Variants in IGBP1 observed in about 807,000 individuals in gnomAD.
IGBP1 encodes the protein immunoglobulin-binding protein 1.
Under a neutral mutation model 25.9 loss-of-function variants are expected in IGBP1, and 2 were observed. The ratio of observed to expected loss-of-function variants is 0.08; its 90% CI spans 0.03 to 0.24. The LOEUF is 0.24. Ranked by LOEUF, IGBP1 falls within the 10% of genes least tolerant of loss-of-function variation. The pLI, the probability that IGBP1 is intolerant of heterozygous loss-of-function variation, is 1.00. For missense variants in IGBP1, 187 were observed against 260.4 expected (o/e 0.72, Z 1.94); for synonymous variants, 96 against 93.4 (o/e 1.03, Z -0.16).
chrX:70,138,975 A>G (rs888707727), intron 3 of IGBP1, among the ~76,000 whole-genome samples: 19 of 112,186 alleles, frequency 1.7e-4, no homozygotes, highest in African/African-American at 6.2e-4. Flanking sequence ...GCTTTCTACA[A>G]TAACAGAGTT....
chrX:70,146,751 A>G lies in IGBP1; in HGVS notation c.601A>G (p.Ile201Val). The G allele has an allele frequency of 8.3e-7, 1 of 1,206,294 alleles. No homozygotes were observed. Among genetic ancestry groups the G allele is most frequent in the Non-Finnish European group, 1.1e-6 (1 of 890,926 alleles). The change falls in exon 4 of 7, where the codon ATT (isoleucine) becomes GTT (valine). Residue 201 changes from isoleucine to valine, a missense_variant. Coordinates refer to ENST00000356413, the MANE Select transcript of IGBP1 (RefSeq NM_001551.3). ...TTATCTTCTTCACCTTCAGAGGTGG[A>G]TTGATATCAGCTTAGAAGAGATTGA... is the stretch of plus-strand genomic sequence containing the variant. The part of the protein sequence containing the change: ...EYYLLHLQRW[I>V]DISLEEIESI...
intron 3 of IGBP1, among the ~76,000 whole-genome samples, chrX:70,135,286 T>C (rs2085088365): frequency 8.9e-6 from 1 of 112,002 alleles, no homozygotes; most frequent in African/African-American, 3.2e-5. Flanking sequence ...AGGTTTTTTT[T>C]GTTGTTGTTG....
chrX:70,159,357 A>G (rs1017073534), intron 6 of IGBP1, among the ~76,000 whole-genome samples: 1 of 112,349 alleles, frequency 8.9e-6, no homozygotes, highest in African/African-American at 3.2e-5. Flanking sequence ...AAGGAAAAAG[A>G]ATAAATGCTA....
At chrX:70,150,159 ATTTTTGTTTTTTTGTT>A in intron 5 of IGBP1, 35 bp from the exon 6 acceptor site, 1 of 760,686 alleles carries the variant, frequency 1.3e-6, no homozygotes. Context: ...TTTTTTTGTT[ATTTTTGTTTTTTTGTT>A]TTTTTGTTTT....
At chrX:70,150,585 T>C (rs1470813556) in intron 6 of IGBP1, among the ~76,000 whole-genome samples, 1 of 112,153 alleles carries the variant, frequency 8.9e-6, no homozygotes, top group Non-Finnish European at 1.9e-5. Flanking sequence ...ACTCAATCTA[T>C]GGATAGCAGT....
intron 3 of IGBP1, among the ~76,000 whole-genome samples, chrX:70,141,996 T>A (rs2085133161): frequency 9.0e-6 from 1 of 111,509 alleles, no homozygotes; most frequent in African/African-American, 3.3e-5. Context: ...AACCCAGGTC[T>A]TCAAATTCCC....
intron 6 of IGBP1, among the ~76,000 whole-genome samples, chrX:70,154,714 C>CAAAA (rs762954223): frequency 2.6e-4 from 7 of 27,098 alleles, no homozygotes; most frequent in African/African-American, 1.1e-3. Context: ...CCCCTCTCCA[C>CAAAA]AAAAAAAAAA....
At chrX:70,137,216 G>T (rs1414526144) in intron 3 of IGBP1, among the ~76,000 whole-genome samples, 13 of 111,302 alleles carry the variant, frequency 1.2e-4, no homozygotes, top group Admixed American at 4.8e-4. Flanking sequence ...TGGGAGGTGA[G>T]ATAGAAGGAA....
intron 6 of IGBP1, among the ~76,000 whole-genome samples, chrX:70,162,043 G>C (rs767371285): frequency 8.9e-6 from 1 of 112,131 alleles, no homozygotes; most frequent in East Asian, 2.8e-4. Context: ...ATTTTATGTA[G>C]ATACTCCTGC....
intron 5 of IGBP1, chrX:70,149,778 T>G (rs2085191389): frequency 6.8e-6 from 1 of 146,418 alleles, no homozygotes; most frequent in Non-Finnish European, 1.3e-5. Flanking sequence ...TCTTCCTGCC[T>G]TCAGCTACGA....
intron 3 of IGBP1, among the ~76,000 whole-genome samples, chrX:70,137,168 G>C (rs1390506866): frequency 9.0e-6 from 1 of 111,498 alleles, no homozygotes; most frequent in African/African-American, 3.3e-5. Flanking sequence ...ACATTTAGGA[G>C]GGTTGAATCT....
At position 70,134,396 on chromosome X, in the gene IGBP1, C is replaced by T. The variant is rs1475715778; in HGVS notation, c.189-127C>T. On this transcript the variant is annotated intron_variant, in intron 2 of 6. Coordinates refer to ENST00000356413, the MANE Select transcript of IGBP1 (RefSeq NM_001551.3). Reference sequence around the variant, plus strand: ...AGCCACTTTCATTGAGTGAAACTGGCCGCTGTTCCCCGTGCCTCCTCCCTC... The same window carrying T: ...AGCCACTTTCATTGAGTGAAACTGGTCGCTGTTCCCCGTGCCTCCTCCCTC... The T allele has an allele frequency of 1.3e-5, 9 of 715,671 alleles. No homozygotes were observed. In the East Asian group the frequency reaches 2.4e-4, roughly 19 times the overall value. The allele number at this position is 715,671 out of a possible 1,213,427, so 59.0% of individuals were successfully genotyped here.
At chrX:70,153,440 T>C (rs1156453529) in intron 6 of IGBP1, among the ~76,000 whole-genome samples, 3 of 112,001 alleles carry the variant, frequency 2.7e-5, no homozygotes, top group Non-Finnish European at 3.8e-5. Flanking sequence ...TTTTAAAAAC[T>C]ATACGTAGCT....
intron 3 of IGBP1, among the ~76,000 whole-genome samples, chrX:70,141,926 G>C (rs997815148): frequency 9.0e-6 from 1 of 110,816 alleles, no homozygotes; most frequent in African/African-American, 3.3e-5. Context: ...AAAGGGGGGG[G>C]GCTCTGAGAA....
intron 6 of IGBP1, among the ~76,000 whole-genome samples, chrX:70,156,113 T>TA (rs1196082534): frequency 1.8e-5 from 2 of 110,290 alleles, no homozygotes; most frequent in East Asian, 5.7e-4. Flanking sequence ...CCAGAACAAT[T>TA]ACACTGGTAA....
chrX:70,149,040 C>G (rs1304146028), intron 5 of IGBP1, 200 bp downstream of exon 5: 1 of 404,224 alleles, frequency 2.5e-6, no homozygotes, highest in African/African-American at 2.5e-5. Flanking sequence ...ACCAGCCTGA[C>G]CAACATGGAG....
At chrX:70,134,419 C>G in intron 2 of IGBP1, 104 bp from the exon 3 acceptor site, 2 of 874,970 alleles carry the variant, frequency 2.3e-6, no homozygotes, top group South Asian at 2.1e-5. Context: ...TGCCTCCTCC[C>G]TCTGGTCCAC....
intron 6 of IGBP1, among the ~76,000 whole-genome samples, chrX:70,165,583 A>T (rs1294124113): frequency 9.0e-6 from 1 of 110,536 alleles, no homozygotes; most frequent in African/African-American, 3.3e-5. Context: ...ATTCATTCTG[A>T]GGGGCACCTT....
Position 70,134,649 on chromosome X carries a change from T to C in IGBP1, c.315T>C (p.Ala105=), listed in dbSNP as rs149534104. 4.0e-5 allele frequency: 48 copies of C among 1,210,533 alleles called. No individual in the cohort carries two copies. The highest frequency in any genetic ancestry group is 5.2e-5 in the Non-Finnish European group (47 of 895,347). The change falls in exon 3 of 7, where the codon GCT becomes GCC. Residue 105 remains alanine (A), a synonymous_variant. Transcript: ENST00000356413. ...PSKRLDHLQR[A]REHFINYLTQ... ...AGCGTCTAGATCATTTGCAGCGGGCTCGAGAACACTTTATAAACTACTTAA... is the reference window on the plus strand; with the variant it reads ...AGCGTCTAGATCATTTGCAGCGGGCCCGAGAACACTTTATAAACTACTTAA...
Sources: allele counts gnomAD v4.1 joint callset (sites outside exome capture counted in the v4.1 genomes callset), GRCh38; gene constraint gnomAD v4.1.1; transcripts MANE v1.5; gene names NCBI Gene and HGNC (gene_info 2026-07-23, HGNC 2026-07-21).